Variants in ZC3H14 observed in about 807,000 individuals in gnomAD.
The protein encoded by ZC3H14 is zinc finger CCCH domain-containing protein 14.
Under a neutral mutation model 92.4 loss-of-function variants are expected in ZC3H14, and 31 were observed. That is an observed-to-expected ratio of 0.34 (90% CI 0.25 to 0.45). The LOEUF is 0.45. ZC3H14 is among the 20% of genes least tolerant of loss of function. The pLI is 1.00. For synonymous variants in ZC3H14, 321 were observed against 300.9 expected, an observed-to-expected ratio of 1.07 and a Z score of -0.69; for missense variants, 781 against 897.3, an observed-to-expected ratio of 0.87 and a Z score of 1.66.
At chr14:88,563,498 G>C (rs893366378) in intron 1 of ZC3H14, 153 bp from the exon 2 acceptor site, 11 of 1,506,502 alleles carry the variant, frequency 7.3e-6, no homozygotes, top group South Asian at 1.2e-5. Flanking sequence ...GTGGGGTGCG[G>C]GGTGGGGGGC....
Position 88,615,532 on chromosome 14 carries a change from G to A in ZC3H14, c.*3781G>A, listed in dbSNP as rs1284201938. On this transcript the variant is annotated 3_prime_UTR_variant, in exon 17 of 17. Transcript: ENST00000251038. The stretch of plus-strand genomic sequence containing the variant: ...TACCCTAAATTTTCCCAGCAGGTCT[G>A]CCGAAATCACACACTTCCCAATACA... 6.0e-6 allele frequency: 2 copies of A among 335,366 alleles called. No individual in the cohort carries two copies. The highest frequency in any genetic ancestry group is 4.7e-5 in the East Asian group (1 of 21,470). 20.8% of individuals were successfully genotyped at this position (335,366 alleles called of 1,614,324 possible).
Position 88,626,805 on chromosome 14 carries a change from A to C in ZC3H14, c.*15054A>C, listed in dbSNP as rs1480270009. ...TAAGGCAAGAGAATGTAAAGTAGTC[A>C]AAGTCACACTATGTGCATTTTAAGA... On this transcript the variant is annotated 3_prime_UTR_variant, in exon 17 of 17. Coordinates refer to ENST00000251038, the MANE Select transcript of ZC3H14 (RefSeq NM_024824.5). 1 of 1,607,908 alleles carries C rather than the reference A, an allele frequency of 6.2e-7. No homozygotes were observed. Among genetic ancestry groups the C allele is most frequent in the African/African-American group, 1.3e-5 (1 of 74,840 alleles).
At chr14:88,571,324 G>A (rs2080358835) in intron 4 of ZC3H14, among the ~76,000 whole-genome samples, 200 bp downstream of exon 4, 1 of 152,100 alleles carries the variant, frequency 6.6e-6, no homozygotes, top group Non-Finnish European at 1.5e-5. Flanking sequence ...GGGAGAGGGA[G>A]CAGTGCACTT....
rs780649734 is a variant in ZC3H14 at position 88,572,962 on chromosome 14, G to A, written c.816G>A (p.Thr272=). Residue 272 remains threonine (T), a synonymous_variant, in exon 6 of 17, where the codon ACG becomes ACA. Coordinates refer to ENST00000251038, the MANE Select transcript of ZC3H14 (RefSeq NM_024824.5). ...EPEVLNSLEE[T]YSPFFRNNSE... ...AGGTGCTTAACAGCTTAGAAGAAAC[G>A]TATAGTCCGTTCTTTAGAAACAACT... 5.0e-6 allele frequency: 8 copies of A among 1,614,094 alleles called. No homozygotes were observed. The highest frequency in any genetic ancestry group is 4.5e-5 in the East Asian group (2 of 44,886).
chr14:88,618,438 C>T lies in ZC3H14; in HGVS notation c.*6687C>T. ...ATTGCTACTTGATTTACATGTCTAA[C>T]ATTATTAAGTATGCAAAAGATCACT... is the stretch of plus-strand genomic sequence containing the variant. On this transcript the variant is annotated 3_prime_UTR_variant, in exon 17 of 17. Transcript: ENST00000251038. 1 of 1,143,678 alleles carries T rather than the reference C, an allele frequency of 8.7e-7. No homozygotes were observed. Among genetic ancestry groups the T allele is most frequent in the Non-Finnish European group, 1.3e-6 (1 of 790,710 alleles). The allele number at this position is 1,143,678 out of a possible 1,614,324, so 70.8% of individuals were successfully genotyped here. A position where few individuals can be genotyped will look rare whatever the true frequency, so the allele number is the denominator to read the frequency against.
chr14:88,595,220 G>A, intron 9 of ZC3H14: 2 of 1,534,674 alleles, frequency 1.3e-6, no homozygotes, highest in Non-Finnish European at 1.7e-6. Context: ...CAGAGAACTT[G>A]AATTTTTCAT....
At chr14:88,602,288 C>A (rs1002715046) in intron 11 of ZC3H14, among the ~76,000 whole-genome samples, 3 of 152,148 alleles carry the variant, frequency 2.0e-5, no homozygotes, top group African/African-American at 7.2e-5. Context: ...CATTAACCTA[C>A]AAATTACAAC....
In ZC3H14 at chr14:88,594,928, T is replaced by C. The variant is rs1302611223; in HGVS notation, c.1280-1806T>C. ...TATTTTGACAGTGGAAGCAAATCTT[T>C]TTGATCTAAATGTTAGAGTGTCCAA... is the stretch of plus-strand genomic sequence containing the variant. On this transcript the variant is annotated intron_variant, in intron 9 of 16. Transcript: ENST00000251038. 15 of 1,613,894 alleles carry C rather than the reference T, an allele frequency of 9.3e-6. No homozygotes were observed. The Admixed American group carries it at 2.3e-4, about 25-fold the overall frequency.
chr14:88,578,271 G>T (rs1357243377), intron 9 of ZC3H14, 131 bp downstream of exon 9: 11 of 1,330,572 alleles, frequency 8.3e-6, no homozygotes, highest in Non-Finnish European at 1.1e-5. Context: ...AGAATGAGAA[G>T]AATACCATGA....
Position 88,618,739 on chromosome 14 carries a change from C to T in ZC3H14, c.*6988C>T, listed in dbSNP as rs1451146600. On this transcript the variant is annotated 3_prime_UTR_variant, in exon 17 of 17. Transcript: ENST00000251038. The stretch of plus-strand genomic sequence containing the variant: ...TAGCTGATTCTGTTAAGAGTGGGGC[C>T]CAGCGTTAGGTCATAAAAATCCACT... 1.2e-6 allele frequency: 2 copies of T among 1,606,802 alleles called. No homozygotes were observed. Among genetic ancestry groups the T allele is most frequent in the Admixed American group, 3.4e-5 (2 of 59,092 alleles).
chr14:88,574,544 C>T (rs1025277230), intron 6 of ZC3H14, 149 bp from the exon 7 acceptor site: 63 of 984,752 alleles, frequency 6.4e-5, no homozygotes, highest in Non-Finnish European at 9.4e-5. Flanking sequence ...CACCCAGCCT[C>T]ATATTTATAT....
At chr14:88,587,985 CAT>C (rs2082658792) in intron 9 of ZC3H14, among the ~76,000 whole-genome samples, 1 of 152,044 alleles carries the variant, frequency 6.6e-6, no homozygotes, top group African/African-American at 2.4e-5. Flanking sequence ...GCCAAATTTA[CAT>C]TCTGTTTCTT....
rs764345885 is a variant in ZC3H14, at chr14:88,577,947, G to A, written c.1124-38G>A. The A allele has an allele frequency of 3.1e-6, 5 of 1,612,760 alleles. No homozygotes were observed. The Admixed American group carries it at 6.7e-5, about 22-fold the overall frequency. On this transcript the variant is annotated intron_variant, in intron 8 of 16. Coordinates refer to ENST00000251038, the MANE Select transcript of ZC3H14 (RefSeq NM_024824.5). The stretch of plus-strand genomic sequence containing the variant: ...CACTGTGGAGTTTTGACGTATTACT[G>A]CATTTGTATTTCTATCTTTTTTGCT...
intron 10 of ZC3H14, 72 bp from the exon 11 acceptor site, chr14:88,601,852 C>T: frequency 6.5e-7 from 1 of 1,535,452 alleles, no homozygotes; most frequent in Non-Finnish European, 9.0e-7. Context: ...TGACATTCTT[C>T]TCACATATAT....
At chr14:88,597,825 T>C (rs2084057027) in intron 10 of ZC3H14, among the ~76,000 whole-genome samples, 1 of 152,218 alleles carries the variant, frequency 6.6e-6, no homozygotes, top group Non-Finnish European at 1.5e-5. Flanking sequence ...CTCTTGTGCA[T>C]GTTTTCTCTT....
chr14:88,597,058 G>A (rs1324380539), intron 10 of ZC3H14, among the ~76,000 whole-genome samples: 3 of 151,942 alleles, frequency 2.0e-5, no homozygotes, highest in Non-Finnish European at 4.4e-5. Context: ...TAGCACTGTC[G>A]GCTGTCACTC....
rs146641982 is a variant in ZC3H14, at chr14:88,579,714, C to T, written c.1279+1574C>T. 6.2e-3 allele frequency among the ~76,000 whole-genome samples: 951 copies of T among 152,282 alleles called. 6 individuals are homozygous for T. Among genetic ancestry groups the T allele is most frequent in the Middle Eastern group, 0.014 (4 of 294 alleles). ...CTGAAGTTAGAATAGCTATCCAAAG[C>T]AAACTTTCCCCTAAAATGAACAACA... On this transcript the variant is annotated intron_variant, in intron 9 of 16. Coordinates refer to ENST00000251038, the MANE Select transcript of ZC3H14 (RefSeq NM_024824.5).
rs1813680192 is a variant in ZC3H14, at chr14:88,624,924, T to A, written c.*13173T>A. ...AGAATAATTAACTGCAAACCTCAGG[T>A]AGGTCACAAATGCATAAATATTCTG... is the stretch of plus-strand genomic sequence containing the variant. On this transcript the variant is annotated 3_prime_UTR_variant, in exon 17 of 17. Coordinates refer to ENST00000251038, the MANE Select transcript of ZC3H14 (RefSeq NM_024824.5). 2.5e-6 allele frequency: 4 copies of A among 1,599,958 alleles called. No individual in the cohort carries two copies. In the African/African-American group the frequency reaches 5.4e-5, roughly 21 times the overall value.
intron 9 of ZC3H14, chr14:88,589,331 T>A (rs2082820475): frequency 6.6e-6 from 1 of 152,212 alleles, no homozygotes; most frequent in Non-Finnish European, 1.5e-5. Context: ...CTTTTAAATG[T>A]CTGTCTCTGG....
Sources: allele counts gnomAD v4.1 joint callset (sites outside exome capture counted in the v4.1 genomes callset), GRCh38; gene constraint gnomAD v4.1.1; transcripts MANE v1.5; gene names NCBI Gene and HGNC (gene_info 2026-07-23, HGNC 2026-07-21).